The following DBP variants were observed in gnomAD, a reference collection of about 807,000 sequenced individuals.
DBP encodes the protein D-box binding PAR bZIP transcription factor.
In DBP, 12 loss-of-function variants were observed where a neutral mutation model predicts 21.4. That is an observed-to-expected ratio of 0.56 (90% CI 0.36 to 0.91). DBP has a LOEUF of 0.91. DBP is among the 40% of genes least tolerant of loss of function. DBP has a pLI of 0.01. For missense variants in DBP, 423 were observed against 473.4 expected, an observed-to-expected ratio of 0.89 and a Z score of 0.99; for synonymous variants, 213 against 224.9, an observed-to-expected ratio of 0.95 and a Z score of 0.47.
Position 48,635,934 on chromosome 19 carries a change from G to T in DBP, c.196C>A (p.Pro66Thr), listed in dbSNP as rs867470520. 2 of 1,525,074 alleles carry T rather than the reference G, an allele frequency of 1.3e-6. No individual in the cohort carries two copies. Among genetic ancestry groups the T allele is most frequent in the Non-Finnish European group, 1.7e-6 (2 of 1,143,842 alleles). The allele number at this position is 1,525,074 out of a possible 1,614,324, so 94.5% of individuals were successfully genotyped here. ...GCCGGGCCCGCAGTCTCCAGGCCTG[G>T]CCCAGGGGTTGTGGCTGCAGGCAGG... is the stretch of plus-strand genomic sequence containing the variant. ...AALPAATTPG[P>T]GLETAGPADA... The change falls in exon 2 of 4, where the codon CCA becomes ACA. Residue 66 changes from proline (P) to threonine (T), a missense_variant. Pro to Thr is a conservative substitution (Grantham distance 38). This residue lies in a region of DBP where 283 missense variants were observed against 273.7 expected (regional missense o/e 1.03). Coordinates refer to ENST00000222122, the MANE Select transcript of DBP (RefSeq NM_001352.5).
At chr19:48,633,137 G>A (rs2030657940) in intron 3 of DBP, 1 of 574,484 alleles carries the variant, frequency 1.7e-6, no homozygotes, top group Non-Finnish European at 3.1e-6. Flanking sequence ...TGTAGAAATG[G>A]GGTTTTGCCA....
At chr19:48,633,871 C>A in intron 2 of DBP, 1 of 569,468 alleles carries the variant, frequency 1.8e-6, no homozygotes, top group Admixed American at 3.1e-5. Context: ...GAAGCCGAGG[C>A]GGCGAATCAC....
intron 1 of DBP, 96 bp from the exon 2 acceptor site, chr19:48,636,086 C>A: frequency 1.5e-5 from 19 of 1,239,062 alleles, no homozygotes; most frequent in Non-Finnish European, 1.9e-5. Context: ...GGCGGAGATC[C>A]AGAGAAAGAG....
rs1031273808 is a variant in DBP, at chr19:48,637,227, G to A, written c.-233C>T. On this transcript the variant is annotated 5_prime_UTR_variant, in exon 1 of 4. Coordinates refer to ENST00000222122, the MANE Select transcript of DBP (RefSeq NM_001352.5). ...TCCCGGGAGATCATGCAATCTGGGC[G>A]AGGGGGTGTCCAGATCAAGCGGTCG... The A allele has an allele frequency of 7.1e-6, 3 of 422,390 alleles. No homozygotes were observed. Among genetic ancestry groups the A allele is most frequent in the Admixed American group, 4.1e-5 (1 of 24,402 alleles). 26.2% of individuals were successfully genotyped at this position (422,390 alleles called of 1,614,324 possible). A position where few individuals can be genotyped will look rare whatever the true frequency, so the allele number is the denominator to read the frequency against.
At chr19:48,634,840 C>T (rs1601180760) in intron 2 of DBP, 7 of 985,680 alleles carry the variant, frequency 7.1e-6, no homozygotes, top group Non-Finnish European at 7.2e-6. Context: ...CATCTTTCCT[C>T]TTGCTCTTCC....
In DBP at chr19:48,630,986, G is replaced by T; in HGVS notation, c.829C>A (p.Arg277=). ...ACCGATATCTGGTTCTCCTTGAGCC[G>T]CCGGGCGTCACGGGACCGCTTGGCT... The part of the protein sequence containing the change: ...EAAKRSRDAR[R]LKENQISVRA... The change falls in exon 4 of 4, where the codon CGG becomes AGG. Residue 277 remains arginine, a synonymous_variant. Coordinates refer to ENST00000222122, the MANE Select transcript of DBP (RefSeq NM_001352.5). This position sits in a 1 kb window ranked among gnomAD's most constrained non-coding sequence, Gnocchi z 4.9. The T allele has an allele frequency of 6.2e-7, 1 of 1,613,724 alleles. No homozygotes were observed. Among genetic ancestry groups the T allele is most frequent in the Non-Finnish European group, 8.5e-7 (1 of 1,179,954 alleles).
At chr19:48,633,353 G>C in intron 3 of DBP, 91 bp downstream of exon 3, 1 of 1,346,110 alleles carries the variant, frequency 7.4e-7, no homozygotes. Flanking sequence ...ATCCCAAGGA[G>C]AAGCCCAGGC....
chr19:48,634,754 G>T (rs547393307), intron 2 of DBP: 1 of 985,558 alleles, frequency 1.0e-6, no homozygotes, highest in Non-Finnish European at 1.2e-6. Context: ...CCCGGAGGTC[G>T]GACCTGGAGC....
Position 48,630,780 on chromosome 19 carries a change from G to T in DBP, c.*57C>A. On this transcript the variant is annotated 3_prime_UTR_variant, in exon 4 of 4. Coordinates refer to ENST00000222122, the MANE Select transcript of DBP (RefSeq NM_001352.5). The surrounding 1 kb of genome is among the most constrained non-coding windows in gnomAD (Gnocchi z 4.9). Reference sequence around the variant, plus strand: ...GGGCCACAGGGCAGGAAGGGAACAGGGCGTAAGTCTCAGCAAGGCGGAGGA... The same window carrying T: ...GGGCCACAGGGCAGGAAGGGAACAGTGCGTAAGTCTCAGCAAGGCGGAGGA... 1 of 1,522,212 alleles carries T rather than the reference G, an allele frequency of 6.6e-7. No individual in the cohort carries two copies. Among genetic ancestry groups the T allele is most frequent in the South Asian group, 1.2e-5 (1 of 82,494 alleles). 94.3% of individuals were successfully genotyped at this position (1,522,212 alleles called of 1,614,324 possible). A position where few individuals can be genotyped will look rare whatever the true frequency, so the allele number is the denominator to read the frequency against.
intron 3 of DBP, 185 bp downstream of exon 3, chr19:48,633,259 A>T: frequency 1.4e-6 from 1 of 690,062 alleles, no homozygotes. Context: ...CACTGTCTTT[A>T]TAAACCTCAG....
In DBP at chr19:48,630,146, G is replaced by A; in HGVS notation, c.*691C>T. On this transcript the variant is annotated 3_prime_UTR_variant, in exon 4 of 4. Transcript: ENST00000222122. This position sits in a 1 kb window ranked among gnomAD's most constrained non-coding sequence, Gnocchi z 4.9. ...GACAGGACCTGGAATGTACTGGCTG[G>A]GGTAGGCCTCAGTGAGTCGGCCGGT... 2 of 1,250,694 alleles carry A rather than the reference G, an allele frequency of 1.6e-6. No individual in the cohort carries two copies. Among genetic ancestry groups the A allele is most frequent in the Non-Finnish European group, 1.0e-6 (1 of 995,390 alleles). The allele number at this position is 1,250,694 out of a possible 1,614,324, so 77.5% of individuals were successfully genotyped here. A position where few individuals can be genotyped will look rare whatever the true frequency, so the allele number is the denominator to read the frequency against.
Position 48,636,837 on chromosome 19 carries a change from G to A in DBP, c.139+19C>T, listed in dbSNP as rs2030824282. 3 of 1,610,488 alleles carry A rather than the reference G, an allele frequency of 1.9e-6. No individual in the cohort carries two copies. Among genetic ancestry groups the A allele is most frequent in the East Asian group, 2.2e-5 (1 of 44,718 alleles). On this transcript the variant is annotated intron_variant, in intron 1 of 3. Transcript: ENST00000222122. ...GGGGTAGGGTGTCCGAAGTGGGTGAGATGGGGGTTAGAACTCACAGCTGGC... is the reference window on the plus strand; with the variant it reads ...GGGGTAGGGTGTCCGAAGTGGGTGAAATGGGGGTTAGAACTCACAGCTGGC...
At chr19:48,634,106 C>A (rs2030695851) in intron 2 of DBP, 1 of 171,748 alleles carries the variant, frequency 5.8e-6, no homozygotes. Flanking sequence ...ACTCCGTCTC[C>A]AAAATAACGA....
intron 2 of DBP, chr19:48,635,099 G>A: frequency 1.0e-6 from 1 of 987,720 alleles, no homozygotes; most frequent in Non-Finnish European, 1.2e-6. Flanking sequence ...GGGGGACCCA[G>A]GGACCTGGGC....
Position 48,630,530 on chromosome 19 carries a change from G to A in DBP, c.*307C>T. 1.3e-6 allele frequency: 2 copies of A among 1,535,092 alleles called. No individual in the cohort carries two copies. The highest frequency in any genetic ancestry group is 1.7e-6 in the Non-Finnish European group (2 of 1,146,492). On this transcript the variant is annotated 3_prime_UTR_variant, in exon 4 of 4. Coordinates refer to ENST00000222122, the MANE Select transcript of DBP (RefSeq NM_001352.5). This position sits in a 1 kb window ranked among gnomAD's most constrained non-coding sequence, Gnocchi z 4.9. ...CACGGGCTGCAGCCAGTATGCCAGGGAGCTGCCCTCTTCTTCCACAACAGC... is the reference window on the plus strand; with the variant it reads ...CACGGGCTGCAGCCAGTATGCCAGGAAGCTGCCCTCTTCTTCCACAACAGC...
intron 3 of DBP, chr19:48,631,357 G>C (rs1159457403): frequency 2.7e-5 from 10 of 376,732 alleles, no homozygotes; most frequent in Non-Finnish European, 4.4e-5. Flanking sequence ...AAGGATGCTT[G>C]TTCCCTAGCA....
At chr19:48,636,770 G>C (rs900073601) in intron 1 of DBP, 86 bp downstream of exon 1, 4 of 1,495,542 alleles carry the variant, frequency 2.7e-6, no homozygotes, top group East Asian at 4.8e-5. Flanking sequence ...CCCGCACGCA[G>C]GTTTCTATGG....
rs957889583 is a variant in DBP, at chr19:48,635,611, A to G, written c.519T>C (p.Ala173=). The G allele has an allele frequency of 5.1e-4, 685 of 1,349,660 alleles. 8 individuals are homozygous for G. Among genetic ancestry groups the G allele is most frequent in the Non-Finnish European group, 1.2e-4 (128 of 1,060,832 alleles). 83.6% of individuals were successfully genotyped at this position (1,349,660 alleles called of 1,614,324 possible). A position where few individuals can be genotyped will look rare whatever the true frequency, so the allele number is the denominator to read the frequency against. The change falls in exon 2 of 4, where the codon GCT becomes GCC. Residue 173 remains alanine (A), a synonymous_variant. Coordinates refer to ENST00000222122, the MANE Select transcript of DBP (RefSeq NM_001352.5). ...RSSPGHAPAR[A]ALGTASGHRA... is the part of the protein sequence containing the mutation. ...GGTGGCCGCTGGCGGTCCCGAGGGCAGCCCGGGCGGGGGCGTGCCCAGGAG... is the reference window on the plus strand; with the variant it reads ...GGTGGCCGCTGGCGGTCCCGAGGGCGGCCCGGGCGGGGGCGTGCCCAGGAG...
Position 48,635,592 on chromosome 19 carries a change from C to G in DBP, c.538G>C (p.Gly180Arg), listed in dbSNP as rs898529606. The change falls in exon 2 of 4, where the codon GGC becomes CGC. Residue 180 changes from glycine (G) to arginine (R), a missense_variant. Coordinates refer to ENST00000222122, the MANE Select transcript of DBP (RefSeq NM_001352.5). ...PARAALGTAS[G>R]HRAGLTSRDT... ...CCCTTCGCCGCACCTGCGCGGTGGCCGCTGGCGGTCCCGAGGGCAGCCCGG... is the reference window on the plus strand; with the variant it reads ...CCCTTCGCCGCACCTGCGCGGTGGCGGCTGGCGGTCCCGAGGGCAGCCCGG... 3.7e-6 allele frequency: 5 copies of G among 1,362,998 alleles called. No individual in the cohort carries two copies. Among genetic ancestry groups the G allele is most frequent in the Non-Finnish European group, 3.7e-6 (4 of 1,068,184 alleles). The allele number at this position is 1,362,998 out of a possible 1,614,324, so 84.4% of individuals were successfully genotyped here. A position where few individuals can be genotyped will look rare whatever the true frequency, so the allele number is the denominator to read the frequency against.
Sources: gnomAD v4.1 joint callset for allele counts on GRCh38, gnomAD v4.1.1 for gene constraint, gnomAD v4.1.1 regional missense constraint, Gnocchi (gnomAD v3.1) non-coding constraint, MANE v1.5 for transcripts, NCBI Gene and HGNC (gene_info 2026-07-23, HGNC 2026-07-21) for gene names.